CCDC7: variants seen among roughly 807,000 people sequenced by gnomAD.
CCDC7 encodes the protein coiled-coil domain containing 7.
CCDC7 carries 183 observed loss-of-function variants against 196.9 expected under a neutral mutation model. The observed-to-expected ratio is 0.93, with a 90% confidence interval of 0.82 to 1.05. CCDC7 has a LOEUF of 1.05. Among genes scored for constraint, CCDC7 ranks in the 50% least tolerant of loss-of-function variants. The pLI is 0.00. For synonymous variants in CCDC7, 525 were observed against 484.6 expected (o/e 1.08, Z -1.10); for missense variants, 1,540 against 1,482.2 (o/e 1.04, Z -0.64).
intron 33 of CCDC7, among the ~76,000 whole-genome samples, chr10:32,844,333 A>G (rs754150105): frequency 6.6e-6 from 1 of 151,954 alleles, no homozygotes; most frequent in African/African-American, 2.4e-5. Context: ...AAGTCTACAA[A>G]CTCAAGAAGA....
intron 24 of CCDC7, among the ~76,000 whole-genome samples, chr10:32,699,471 G>A (rs556476374): frequency 6.0e-5 from 9 of 149,864 alleles, no homozygotes; most frequent in African/African-American, 2.3e-4. Flanking sequence ...CATCTGGGTT[G>A]GTTCCAAGTC....
chr10:32,858,538 T>C lies in CCDC7; in HGVS notation c.4111+4049T>C, dbSNP rs959707726. Among the ~76,000 whole-genome samples, 6 of 152,180 alleles carry C rather than the reference T, an allele frequency of 3.9e-5. No homozygotes were observed. In the East Asian group the frequency reaches 5.8e-4, roughly 15 times the overall value. On this transcript the variant is annotated intron_variant, in intron 41 of 41. Transcript: ENST00000639629. ...GGTTGATCATGGGTAAATTAGTCAATGTGATACTTCATATTCACAGCATAA... is the reference window on the plus strand; with the variant it reads ...GGTTGATCATGGGTAAATTAGTCAACGTGATACTTCATATTCACAGCATAA...
chr10:32,692,074 ATC>A (rs1165553344), intron 23 of CCDC7, among the ~76,000 whole-genome samples: 5 of 152,160 alleles, frequency 3.3e-5, no homozygotes, highest in Non-Finnish European at 5.9e-5. Context: ...CACTACCCAC[ATC>A]TCTTAGTTGC....
exon 15 of CCDC7, chr10:32,567,832 T>G (rs745546556): frequency 1.2e-6 from 2 of 1,613,396 alleles, no homozygotes; most frequent in East Asian, 4.5e-5. Flanking sequence ...AACAAGAAAA[T>G]CACTGGTTTC....
At chr10:32,746,926 G>A (rs114990439) in intron 28 of CCDC7, among the ~76,000 whole-genome samples, 2,851 of 152,294 alleles carry the variant, frequency 0.019, 93 homozygotes, top group African/African-American at 0.065. Context: ...ACAGCACTAC[G>A]CTGCTGCCTT....
At chr10:32,458,940 T>C (rs2034985399) in intron 3 of CCDC7, among the ~76,000 whole-genome samples, 1 of 152,114 alleles carries the variant, frequency 6.6e-6, no homozygotes, top group Non-Finnish European at 1.5e-5. Context: ...CTTTTGTTTT[T>C]TTGTGTGTGT....
At position 32,527,367 on chromosome 10, in the gene CCDC7, C is replaced by T. The variant is rs139761543; in HGVS notation, c.993+8862C>T. Among the ~76,000 whole-genome samples, 156 of 152,282 alleles carry T rather than the reference C, an allele frequency of 1.0e-3. 2 individuals carry two copies. Among genetic ancestry groups the T allele is most frequent in the Non-Finnish European group, 1.7e-3 (119 of 68,032 alleles). On this transcript the variant is annotated intron_variant, in intron 11 of 41. Transcript: ENST00000639629. ...CTCTTTTGGCAATATGAAGTTAAAACGAGGAACTGCGATTGCTCACCTGAT... is the reference window on the plus strand; with the variant it reads ...CTCTTTTGGCAATATGAAGTTAAAATGAGGAACTGCGATTGCTCACCTGAT...
chr10:32,667,061 CA>C (rs2072942955), intron 21 of CCDC7, among the ~76,000 whole-genome samples: 1 of 152,076 alleles, frequency 6.6e-6, no homozygotes, highest in African/African-American at 2.4e-5. Context: ...TTTTAATGAT[CA>C]CCATTCTAAC....
chr10:32,821,527 G>T (rs1319662058), intron 31 of CCDC7, among the ~76,000 whole-genome samples: 1 of 152,116 alleles, frequency 6.6e-6, no homozygotes, highest in Non-Finnish European at 1.5e-5. Flanking sequence ...GTTTATTGCG[G>T]CACTATTCAC....
At chr10:32,832,546 G>GA (rs1028925164) in intron 32 of CCDC7, among the ~76,000 whole-genome samples, 4 of 151,778 alleles carry the variant, frequency 2.6e-5, no homozygotes, top group Non-Finnish European at 4.4e-5. Context: ...AGGGCTGCAA[G>GA]AAAAAAATAT....
intron 28 of CCDC7, among the ~76,000 whole-genome samples, chr10:32,775,159 G>T (rs868463738): frequency 1.5e-4 from 23 of 152,268 alleles, no homozygotes; most frequent in Middle Eastern, 3.4e-3. Flanking sequence ...TATTAGGCAT[G>T]CCTTTCAGTG....
chr10:32,691,807 A>G (rs1031925763), intron 23 of CCDC7, among the ~76,000 whole-genome samples: 3 of 152,182 alleles, frequency 2.0e-5, no homozygotes, highest in Admixed American at 2.0e-4. Context: ...GCCTCTGCAG[A>G]TGATGGCCCA....
intron 18 of CCDC7, among the ~76,000 whole-genome samples, chr10:32,603,765 C>T (rs1358026582): frequency 1.3e-5 from 2 of 151,828 alleles, no homozygotes; most frequent in Non-Finnish European, 2.9e-5. Context: ...TAAGAAATGT[C>T]TATTTAGATT....
chr10:32,504,899 T>A (rs1453461123), intron 9 of CCDC7, among the ~76,000 whole-genome samples: 1 of 152,244 alleles, frequency 6.6e-6, no homozygotes, highest in Admixed American at 6.5e-5. Flanking sequence ...TGGAATGTTT[T>A]GTATGTGTCA....
chr10:32,696,500 A>T (rs2077750000), intron 24 of CCDC7, among the ~76,000 whole-genome samples: 1 of 151,950 alleles, frequency 6.6e-6, no homozygotes, highest in South Asian at 2.1e-4. Context: ...TTTTAAGCCA[A>T]AAGATTTGCA....
chr10:32,803,961 A>G (rs1383902648), intron 29 of CCDC7, among the ~76,000 whole-genome samples: 1 of 152,170 alleles, frequency 6.6e-6, no homozygotes, highest in Non-Finnish European at 1.5e-5. Flanking sequence ...TAAATTATAT[A>G]GTATGATATA....
intron 30 of CCDC7, among the ~76,000 whole-genome samples, chr10:32,812,096 A>G (rs1288681393): frequency 6.6e-6 from 1 of 152,130 alleles, no homozygotes; most frequent in Non-Finnish European, 1.5e-5. Context: ...ACAGACCCAC[A>G]GCTAACATCA....
At chr10:32,757,479 A>C (rs1022958693) in intron 28 of CCDC7, among the ~76,000 whole-genome samples, 1 of 152,168 alleles carries the variant, frequency 6.6e-6, no homozygotes, top group Non-Finnish European at 1.5e-5. Context: ...CATGGAGGCT[A>C]AACAATCTGC....
intron 9 of CCDC7, among the ~76,000 whole-genome samples, chr10:32,511,054 C>T (rs1210642423): frequency 6.7e-6 from 1 of 149,588 alleles, no homozygotes; most frequent in East Asian, 1.9e-4. Flanking sequence ...CAAGACTGAC[C>T]TATATAAAGA....
Sources: allele counts gnomAD v4.1 joint callset (sites outside exome capture counted in the v4.1 genomes callset), GRCh38; gene constraint gnomAD v4.1.1; transcripts MANE v1.5; gene names NCBI Gene and HGNC (gene_info 2026-07-23, HGNC 2026-07-21).